Variants in KDM6A observed in about 807,000 individuals in gnomAD.
KDM6A encodes lysine-specific demethylase 6A.
KDM6A carries 11 observed loss-of-function variants against 117.6 expected under a neutral mutation model. The ratio of observed to expected loss-of-function variants is 0.09; its 90% CI spans 0.06 to 0.15. KDM6A has a LOEUF of 0.15. Among genes scored for constraint, KDM6A ranks in the 10% least tolerant of loss-of-function variants. The pLI is 1.00. For synonymous variants in KDM6A, 384 were observed against 396.1 expected (o/e 0.97, Z 0.36); for missense variants, 799 against 1,077.3 (o/e 0.74, Z 3.62).
chrX:45,103,028 A>G lies in KDM6A; in HGVS notation c.4035-4382A>G, dbSNP rs1044623252. ...CCTCTTGGTGTTCGTTAAGTTATCT[A>G]CTTCTCAGTGGCTGAGACTGTTACC... On this transcript the variant is annotated intron_variant, in intron 27 of 29. Coordinates refer to ENST00000611820, the MANE Select transcript of KDM6A (RefSeq NM_001291415.2). Among the ~76,000 whole-genome samples the G allele has an allele frequency of 2.7e-5, 3 of 110,921 alleles. No individual in the cohort carries two copies. The Admixed American group carries it at 2.9e-4, about 11-fold the overall frequency.
At position 44,945,464 on chromosome X, in the gene KDM6A, C is replaced by T. The variant is rs778013187; in HGVS notation, c.226-15820C>T. 2.7e-5 allele frequency among the ~76,000 whole-genome samples: 3 copies of T among 110,622 alleles called. No homozygotes were observed. The South Asian group carries it at 1.1e-3, about 42-fold the overall frequency. ...CCGAAGACTTAAGAAGTTTTAATCTCGTAATGCCTTATAGAGTGGATGATT... is the reference window on the plus strand; with the variant it reads ...CCGAAGACTTAAGAAGTTTTAATCTTGTAATGCCTTATAGAGTGGATGATT... On this transcript the variant is annotated intron_variant, in intron 2 of 29. Coordinates refer to ENST00000611820, the MANE Select transcript of KDM6A (RefSeq NM_001291415.2).
chrX:44,891,024 A>C (rs2033317666), intron 2 of KDM6A, among the ~76,000 whole-genome samples: 1 of 108,965 alleles, frequency 9.2e-6, no homozygotes, highest in African/African-American at 3.3e-5. Flanking sequence ...CACATTTTCT[A>C]GTTGGATTTT....
At chrX:45,015,134 G>C (rs930986580) in intron 5 of KDM6A, among the ~76,000 whole-genome samples, 6 of 107,905 alleles carry the variant, frequency 5.6e-5, no homozygotes, top group Admixed American at 2.0e-4. Context: ...CAGGATCTCA[G>C]TCTGTCACCC....
chrX:44,969,056 A>C (rs1288469728), intron 3 of KDM6A, among the ~76,000 whole-genome samples: 2 of 111,406 alleles, frequency 1.8e-5, no homozygotes, highest in African/African-American at 6.5e-5. Context: ...CAGGAGACTT[A>C]AAGGATAGAC....
intron 2 of KDM6A, among the ~76,000 whole-genome samples, chrX:44,947,569 G>A (rs2037723249): frequency 9.2e-6 from 1 of 109,109 alleles, no homozygotes; most frequent in South Asian, 4.0e-4. Flanking sequence ...GTAGAGACAG[G>A]GTTTCACCGT....
At chrX:44,995,625 A>G (rs955413485) in intron 4 of KDM6A, among the ~76,000 whole-genome samples, 11 of 109,617 alleles carry the variant, frequency 1.0e-4, no homozygotes, top group Admixed American at 2.0e-4. Context: ...CTACCACACC[A>G]GGCTAATTTT....
intron 18 of KDM6A, among the ~76,000 whole-genome samples, chrX:45,074,391 C>T (rs1201902313): frequency 8.9e-6 from 1 of 112,003 alleles, no homozygotes; most frequent in East Asian, 2.8e-4. Context: ...AAAGTCTATT[C>T]CTGTTATCAC....
At chrX:45,077,881 T>C (rs1160512896) in intron 19 of KDM6A, among the ~76,000 whole-genome samples, 1 of 111,475 alleles carries the variant, frequency 9.0e-6, no homozygotes, top group Non-Finnish European at 1.9e-5. Flanking sequence ...TCTCCAGAAC[T>C]TTCTCATCTT....
At chrX:44,924,093 T>A (rs1322545204) in intron 2 of KDM6A, among the ~76,000 whole-genome samples, 1 of 112,596 alleles carries the variant, frequency 8.9e-6, no homozygotes, top group African/African-American at 3.2e-5. Flanking sequence ...GGCTGTTTTA[T>A]ATTTTCCCTG....
At chrX:45,026,197 C>T (rs1231172372) in intron 6 of KDM6A, among the ~76,000 whole-genome samples, 1 of 111,989 alleles carries the variant, frequency 8.9e-6, no homozygotes, top group African/African-American at 3.2e-5. Context: ...TTGTTTTTTC[C>T]AGATGGCTCA....
chrX:44,961,335 T>A lies in KDM6A; in HGVS notation c.277T>A (p.Ser93Thr), dbSNP rs747890387. The A allele has an allele frequency of 1.7e-6, 2 of 1,204,825 alleles. No homozygotes were observed. Among genetic ancestry groups the A allele is most frequent in the Non-Finnish European group, 2.2e-6 (2 of 890,180 alleles). ...CTTAAAAGCTGAAGGAAAAGTGGAG[T>A]CTGATTTCTTTTGTCAATTAGGTCA... ...LILKAEGKVE[S>T]DFFCQLGHFN... The change falls in exon 3 of 30, where the codon TCT becomes ACT. Residue 93 changes from serine (S) to threonine (T), a missense_variant. By Grantham distance (58) the Ser-to-Thr change is moderately conservative. Coordinates refer to ENST00000611820, the MANE Select transcript of KDM6A (RefSeq NM_001291415.2).
chrX:44,910,965 G>C (rs757677108), intron 2 of KDM6A, among the ~76,000 whole-genome samples: 4 of 112,325 alleles, frequency 3.6e-5, no homozygotes, highest in African/African-American at 1.3e-4. Flanking sequence ...TTTTCTATTC[G>C]ACAAAACCGC....
intron 3 of KDM6A, among the ~76,000 whole-genome samples, chrX:44,969,411 CTTTTTTTTTTT>C (rs11288771): frequency 0.012 from 425 of 36,014 alleles, 9 homozygotes; most frequent in South Asian, 0.04. Flanking sequence ...CTCTTTTTAT[CTTTTTTTTTTT>C]TTTTTTTTTT....
At chrX:45,010,308 G>A (rs888165494) in intron 4 of KDM6A, among the ~76,000 whole-genome samples, 3 of 108,104 alleles carry the variant, frequency 2.8e-5, no homozygotes, top group African/African-American at 1.0e-4. Flanking sequence ...GTGACAGAGC[G>A]AGACCTTGTC....
At chrX:44,948,465 A>G (rs1385472249) in intron 2 of KDM6A, among the ~76,000 whole-genome samples, 1 of 111,976 alleles carries the variant, frequency 8.9e-6, no homozygotes, top group African/African-American at 3.2e-5. Context: ...GGCCAGTACA[A>G]CATTGCACAG....
intron 4 of KDM6A, among the ~76,000 whole-genome samples, chrX:44,996,635 A>G (rs1157158060): frequency 9.1e-6 from 1 of 110,493 alleles, no homozygotes; most frequent in African/African-American, 3.3e-5. Context: ...TGTTCTTTTA[A>G]TTGTCCAGAA....
intron 2 of KDM6A, among the ~76,000 whole-genome samples, chrX:44,881,421 G>T (rs1348392903): frequency 8.9e-6 from 1 of 111,968 alleles, no homozygotes; most frequent in African/African-American, 3.2e-5. Context: ...GACAGAGCAA[G>T]ACACCATCTC....
At chrX:45,091,400 TCA>T (rs2148207762) in intron 27 of KDM6A, among the ~76,000 whole-genome samples, 1 of 111,912 alleles carries the variant, frequency 8.9e-6, no homozygotes, top group East Asian at 2.8e-4. Context: ...ACATTTGTTT[TCA>T]CAGTTTCTAT....
chrX:44,930,207 G>C (rs1454556693), intron 2 of KDM6A, among the ~76,000 whole-genome samples: 1 of 110,269 alleles, frequency 9.1e-6, no homozygotes, highest in African/African-American at 3.3e-5. Context: ...AGATATAAGT[G>C]CTTGATCAGA....
Sources: allele counts gnomAD v4.1 joint callset (sites outside exome capture counted in the v4.1 genomes callset), GRCh38; gene constraint gnomAD v4.1.1; transcripts MANE v1.5; gene names NCBI Gene and HGNC (gene_info 2026-07-23, HGNC 2026-07-21).